NPHP4: variants seen among roughly 807,000 people sequenced by gnomAD.
NPHP4 encodes the protein nephrocystin 4.
NPHP4 carries 151 observed loss-of-function variants against 155.8 expected under a neutral mutation model. That is an observed-to-expected ratio of 0.97 (90% CI 0.85 to 1.11). The LOEUF is 1.11. Among genes scored for constraint, NPHP4 ranks in the 50% least tolerant of loss-of-function variants. The pLI is 0.00. For missense variants in NPHP4, 1,956 were observed against 1,925.7 expected, an observed-to-expected ratio of 1.02 and a Z score of -0.29; for synonymous variants, 845 against 816.8, an observed-to-expected ratio of 1.03 and a Z score of -0.59.
intron 21 of NPHP4, 62 bp from the exon 22 acceptor site, chr1:5,874,719 C>A: frequency 5.2e-6 from 8 of 1,551,222 alleles, no homozygotes; most frequent in South Asian, 1.2e-5. Context: ...CAGGAGGCTG[C>A]GGTCCCACCC....
At chr1:5,924,809 C>T (rs867721427) in intron 11 of NPHP4, among the ~76,000 whole-genome samples, 8 of 152,232 alleles carry the variant, frequency 5.3e-5, no homozygotes, top group Admixed American at 3.9e-4. Flanking sequence ...TGCACACCAC[C>T]GCGCATAGCT....
chr1:5,867,351 A>C lies in NPHP4; in HGVS notation c.3473-236T>G. The C allele has an allele frequency of 3.6e-6, 2 of 557,706 alleles. No individual in the cohort carries two copies. Among genetic ancestry groups the C allele is most frequent in the Non-Finnish European group, 3.2e-6 (1 of 314,826 alleles). 34.5% of individuals were successfully genotyped at this position (557,706 alleles called of 1,614,324 possible). ...CTCGGCTGCAGCCATCTCCACAGGG[A>C]ATAATCGAGGGGGCCACAAAAAAGA... On this transcript the variant is annotated intron_variant, in intron 24 of 29. Transcript: ENST00000378156. This position sits in a 1 kb window ranked among gnomAD's most constrained non-coding sequence, Gnocchi z 4.1.
intron 7 of NPHP4, among the ~76,000 whole-genome samples, chr1:5,951,169 G>A (rs751923856): frequency 1.3e-5 from 2 of 152,228 alleles, no homozygotes; most frequent in Admixed American, 6.5e-5. Flanking sequence ...AGGTGCAGCC[G>A]GAGGAGACCC....
rs567026451 is a variant in NPHP4, at chr1:5,902,635, T to C, written c.2143+1982A>G. ...CTACTTTTACTGGGTTTGTTCTGTC[T>C]TTCTCCCCAAAACTTCTTAAGTTGA... On this transcript the variant is annotated intron_variant, in intron 16 of 29. Transcript: ENST00000378156. 6.3e-4 allele frequency among the ~76,000 whole-genome samples: 96 copies of C among 152,322 alleles called. 1 individual carries two copies. Among genetic ancestry groups the C allele is most frequent in the South Asian group, 1.2e-3 (6 of 4,818 alleles).
chr1:5,938,742 G>C (rs1646674913), intron 9 of NPHP4, among the ~76,000 whole-genome samples: 1 of 152,212 alleles, frequency 6.6e-6, no homozygotes, highest in African/African-American at 2.4e-5. Flanking sequence ...AAGCAAATCT[G>C]ACTGATTTTC....
intron 3 of NPHP4, among the ~76,000 whole-genome samples, chr1:5,969,967 G>A (rs115443813): frequency 0.017 from 2,542 of 152,270 alleles, 33 homozygotes; most frequent in Non-Finnish European, 0.025. Flanking sequence ...AAGCCAAGTA[G>A]ATGATATTCA....
intron 3 of NPHP4, among the ~76,000 whole-genome samples, chr1:5,974,206 G>A (rs911045967): frequency 2.6e-5 from 4 of 152,236 alleles, no homozygotes; most frequent in African/African-American, 9.6e-5. Flanking sequence ...GACGGGAAGA[G>A]ACACAACCCA....
chr1:5,934,212 G>C lies in NPHP4; in HGVS notation c.1120-883C>G, dbSNP rs563926473. On this transcript the variant is annotated intron_variant, in intron 9 of 29. Transcript: ENST00000378156. ...GCCTGCAGATCCTGCAGGCTCCCCT[G>C]GTGGGTGGAGCACACTTAAGTCACC... is the stretch of plus-strand genomic sequence containing the variant. Among the ~76,000 whole-genome samples the C allele has an allele frequency of 4.6e-5, 7 of 152,236 alleles. No individual in the cohort carries two copies. In the East Asian group the frequency reaches 1.4e-3, roughly 29 times the overall value.
intron 23 of NPHP4, among the ~76,000 whole-genome samples, chr1:5,871,625 G>C (rs182047333): frequency 6.6e-6 from 1 of 152,342 alleles, no homozygotes. Context: ...AGCCTCAGCT[G>C]GATGCGAGTG....
intron 11 of NPHP4, among the ~76,000 whole-genome samples, chr1:5,920,219 C>A (rs1410297885): frequency 6.6e-6 from 1 of 152,216 alleles, no homozygotes; most frequent in African/African-American, 2.4e-5. Context: ...GCATGAGCCA[C>A]CGCGCCCGGC....
intron 22 of NPHP4, among the ~76,000 whole-genome samples, chr1:5,874,261 C>T (rs1336050444): frequency 9.0e-6 from 1 of 110,862 alleles, no homozygotes; most frequent in East Asian, 1.9e-4. Context: ...TCCAGCTCGA[C>T]ACCCATCAGG....
intron 16 of NPHP4, among the ~76,000 whole-genome samples, chr1:5,896,586 T>C (rs1010037032): frequency 2.0e-5 from 3 of 152,202 alleles, no homozygotes; most frequent in Non-Finnish European, 2.9e-5. Context: ...GTAAGACACA[T>C]ACAAATAATA....
chr1:5,906,058 G>A (rs1266780504), intron 13 of NPHP4, among the ~76,000 whole-genome samples: 4 of 152,164 alleles, frequency 2.6e-5, no homozygotes, highest in African/African-American at 7.2e-5. Flanking sequence ...TATATTTCAC[G>A]TGGCAATCCA....
intron 9 of NPHP4, among the ~76,000 whole-genome samples, chr1:5,940,737 G>C (rs1252294902): frequency 6.6e-6 from 1 of 152,008 alleles, no homozygotes; most frequent in Non-Finnish European, 1.5e-5. Context: ...AATTTAATAA[G>C]AATTGTTAAA....
At chr1:5,878,911 C>T (rs1010759502) in intron 19 of NPHP4, among the ~76,000 whole-genome samples, 1 of 152,232 alleles carries the variant, frequency 6.6e-6, no homozygotes, top group Admixed American at 6.5e-5. Context: ...GGCAGGGAAT[C>T]CAGATTCTAA....
rs57816750 is a variant in NPHP4 at position 5,902,732 on chromosome 1, C to G, written c.2143+1885G>C. Among the ~76,000 whole-genome samples, 419 of 152,328 alleles carry G rather than the reference C, an allele frequency of 2.8e-3. 3 individuals are homozygous for G. Among genetic ancestry groups the G allele is most frequent in the African/African-American group, 9.4e-3 (392 of 41,560 alleles). On this transcript the variant is annotated intron_variant, in intron 16 of 29. Coordinates refer to ENST00000378156, the MANE Select transcript of NPHP4 (RefSeq NM_015102.5). ...TAGGCATTTAAAACTGTAAATTCCCCTGTAATTACAATTTTACTTGCATCT... is the reference window on the plus strand; with the variant it reads ...TAGGCATTTAAAACTGTAAATTCCCGTGTAATTACAATTTTACTTGCATCT...
At chr1:5,900,061 C>A (rs922963578) in intron 16 of NPHP4, among the ~76,000 whole-genome samples, 1 of 152,192 alleles carries the variant, frequency 6.6e-6, no homozygotes, top group Non-Finnish European at 1.5e-5. Context: ...ACTGACAACA[C>A]CAAATGCTGG....
intron 18 of NPHP4, among the ~76,000 whole-genome samples, chr1:5,883,279 C>G (rs752195633): frequency 6.6e-6 from 1 of 152,158 alleles, no homozygotes; most frequent in Non-Finnish European, 1.5e-5. Context: ...GCCACGCTGC[C>G]CTCCACATGA....
chr1:5,934,197 C>T (rs1261730128), intron 9 of NPHP4, among the ~76,000 whole-genome samples: 1 of 152,156 alleles, frequency 6.6e-6, no homozygotes, highest in Non-Finnish European at 1.5e-5. Context: ...GCCTGCAGAT[C>T]CTGCAGGCTC....
Sources: allele counts gnomAD v4.1 joint callset (sites outside exome capture counted in the v4.1 genomes callset), GRCh38; gene constraint gnomAD v4.1.1; non-coding constraint Gnocchi (gnomAD v3.1); transcripts MANE v1.5; gene names NCBI Gene and HGNC (gene_info 2026-07-23, HGNC 2026-07-21).